Variants in TNR observed in about 807,000 individuals in gnomAD.
TNR encodes the protein tenascin R, also known as tenascin-R.
TNR carries 45 observed loss-of-function variants against 150.4 expected under a neutral mutation model. That is an observed-to-expected ratio of 0.30 (90% CI 0.24 to 0.38). TNR has a LOEUF of 0.38. TNR is among the 10% of genes least tolerant of loss of function. The probability of loss-of-function intolerance (pLI) is 1.00; values close to 1 mark genes in which losing one functional copy is unlikely to be tolerated. For synonymous variants in TNR, 687 were observed against 678.4 expected (o/e 1.01, Z -0.20); for missense variants, 1,544 against 1,759.1 (o/e 0.88, Z 2.19).
chr1:175,549,484 T>C (rs1660848618), intron 1 of TNR, among the ~76,000 whole-genome samples: 1 of 152,224 alleles, frequency 6.6e-6, no homozygotes, highest in African/African-American at 2.4e-5. Context: ...CCCTTCCTGG[T>C]ACACATGCTC....
chr1:175,383,441 T>G (rs965522470), intron 8 of TNR, among the ~76,000 whole-genome samples: 4 of 151,922 alleles, frequency 2.6e-5, no homozygotes, highest in African/African-American at 9.7e-5. Context: ...GTGCCAGGAG[T>G]TCCCTCCTGA....
intron 2 of TNR, among the ~76,000 whole-genome samples, chr1:175,477,629 C>T (rs1296907581): frequency 1.3e-5 from 2 of 152,098 alleles, no homozygotes; most frequent in Non-Finnish European, 2.9e-5. Flanking sequence ...AAATATGAGA[C>T]CCAGAAAGAT....
rs759411327 is a variant in TNR at position 175,335,844 on chromosome 1, A to G, written c.3535-37T>C. On this transcript the variant is annotated intron_variant, in intron 19 of 22. Transcript: ENST00000367674. ...ATAAAAAAACAAAAAACAAACAAACAAAAAAACAAAACCCAAAGAGATGCT... is the reference window on the plus strand; with the variant it reads ...ATAAAAAAACAAAAAACAAACAAACGAAAAAACAAAACCCAAAGAGATGCT... 6 of 1,574,734 alleles carry G rather than the reference A, an allele frequency of 3.8e-6. No individual in the cohort carries two copies. The Admixed American group carries it at 7.1e-5, about 19-fold the overall frequency.
intron 2 of TNR, among the ~76,000 whole-genome samples, chr1:175,470,047 G>T (rs538450323): frequency 6.6e-6 from 1 of 152,284 alleles, no homozygotes; most frequent in South Asian, 2.1e-4. Context: ...GGCATGGTTG[G>T]TATAATCCAC....
chr1:175,530,943 G>T (rs1660041839), intron 1 of TNR, among the ~76,000 whole-genome samples: 1 of 152,136 alleles, frequency 6.6e-6, no homozygotes, highest in Non-Finnish European at 1.5e-5. Flanking sequence ...TGAGTACCCA[G>T]GCCCATGCCA....
At chr1:175,548,934 T>C (rs1484172157) in intron 1 of TNR, among the ~76,000 whole-genome samples, 2 of 152,132 alleles carry the variant, frequency 1.3e-5, no homozygotes, top group African/African-American at 2.4e-5. Context: ...ATACAACAAC[T>C]AGCACTGGGA....
At chr1:175,327,285 A>C (rs1480172984) in intron 21 of TNR, among the ~76,000 whole-genome samples, 1 of 152,086 alleles carries the variant, frequency 6.6e-6, no homozygotes, top group Non-Finnish European at 1.5e-5. Context: ...TTTCTGCCTC[A>C]TATAGCCACC....
At chr1:175,379,009 G>T (rs1436307615) in intron 9 of TNR, among the ~76,000 whole-genome samples, 2 of 152,094 alleles carry the variant, frequency 1.3e-5, no homozygotes, top group Non-Finnish European at 2.9e-5. Context: ...GAGAAACCCT[G>T]TCTCTACTAA....
intron 1 of TNR, among the ~76,000 whole-genome samples, chr1:175,536,420 C>T (rs1175125891): frequency 6.6e-6 from 1 of 152,174 alleles, no homozygotes; most frequent in East Asian, 1.9e-4. Flanking sequence ...AGAATCCTCA[C>T]AAAGAGTTAA....
intron 1 of TNR, among the ~76,000 whole-genome samples, chr1:175,627,397 T>A (rs941349819): frequency 1.3e-5 from 2 of 152,182 alleles, no homozygotes; most frequent in Non-Finnish European, 1.5e-5. Flanking sequence ...GGTGTAAACA[T>A]CAAAACAGAA....
intron 18 of TNR, among the ~76,000 whole-genome samples, chr1:175,353,851 A>ATTTATTTTTTT (rs111708916): frequency 2.3e-4 from 34 of 146,206 alleles, no homozygotes; most frequent in African/African-American, 8.7e-4. Flanking sequence ...ATTTTTATTT[A>ATTTATTTTTTT]TTTTTTTTTT....
At chr1:175,740,946 A>G (rs1044040050) in intron 1 of TNR, among the ~76,000 whole-genome samples, 4 of 152,246 alleles carry the variant, frequency 2.6e-5, no homozygotes, top group Non-Finnish European at 4.4e-5. Context: ...CAGGTGCACG[A>G]CATCAGTTCA....
At chr1:175,591,283 T>A (rs1307135882) in intron 1 of TNR, among the ~76,000 whole-genome samples, 1 of 152,112 alleles carries the variant, frequency 6.6e-6, no homozygotes, top group Admixed American at 6.5e-5. Flanking sequence ...TGGGACATAA[T>A]CCCAACTGAC....
At chr1:175,454,902 C>T (rs974809290) in intron 2 of TNR, among the ~76,000 whole-genome samples, 3 of 152,192 alleles carry the variant, frequency 2.0e-5, no homozygotes, top group Admixed American at 1.3e-4. Flanking sequence ...CTGCTCCTCC[C>T]ATCATAGGTG....
chr1:175,383,892 G>A (rs892551009), intron 8 of TNR, among the ~76,000 whole-genome samples: 4 of 152,168 alleles, frequency 2.6e-5, no homozygotes, highest in African/African-American at 9.7e-5. Context: ...GGTGTAGGCT[G>A]AGGCTGTATT....
chr1:175,437,177 C>G (rs1157331319), intron 2 of TNR, among the ~76,000 whole-genome samples: 1 of 152,232 alleles, frequency 6.6e-6, no homozygotes, highest in Non-Finnish European at 1.5e-5. Context: ...AACAAACTGT[C>G]TCTCAGACCA....
At chr1:175,444,509 T>G (rs1181130646) in intron 2 of TNR, among the ~76,000 whole-genome samples, 1 of 152,240 alleles carries the variant, frequency 6.6e-6, no homozygotes, top group Non-Finnish European at 1.5e-5. Flanking sequence ...CCCTGGTTCC[T>G]ACAAATATGT....
chr1:175,740,596 A>AG lies in TNR; in HGVS notation c.-165+2629dup, dbSNP rs906769777. Among the ~76,000 whole-genome samples, 80 of 152,136 alleles carry AG rather than the reference A, an allele frequency of 5.3e-4. 1 individual carries two copies. The highest frequency in any genetic ancestry group is 1.8e-3 in the African/African-American group (76 of 41,508). On this transcript the variant is annotated intron_variant, in intron 1 of 22. Coordinates refer to ENST00000367674, the MANE Select transcript of TNR (RefSeq NM_003285.3). ...CCCAGCAGTCTCCCCTACACAGTGA[A>AG]GGGGGGTTGGGCATGAGAACTTAGT...
At chr1:175,358,610 G>A (rs1376022900) in intron 15 of TNR, among the ~76,000 whole-genome samples, 1 of 152,070 alleles carries the variant, frequency 6.6e-6, no homozygotes, top group Admixed American at 6.6e-5. Flanking sequence ...TTTGTTCTCT[G>A]GATTCCTGAA....
Sources: gnomAD v4.1 joint callset for allele counts (sites outside exome capture counted in the v4.1 genomes callset) on GRCh38, gnomAD v4.1.1 for gene constraint, MANE v1.5 for transcripts, NCBI Gene and HGNC (gene_info 2026-07-23, HGNC 2026-07-21) for gene names.